The following RASA4B variants were observed in gnomAD, a reference collection of about 807,000 sequenced individuals.
RASA4B encodes ras GTPase-activating protein 4B.
RASA4B carries 2 observed loss-of-function variants against 24.2 expected under a neutral mutation model. The ratio of observed to expected loss-of-function variants is 0.08; its 90% CI spans 0.03 to 0.26. The LOEUF is 0.26. Ranked by LOEUF, RASA4B falls within the 10% of genes least tolerant of loss-of-function variation. The pLI is 1.00. For synonymous variants in RASA4B, 2 were observed against 125.6 expected, an observed-to-expected ratio of 0.02 and a Z score of 6.58; for missense variants, 8 against 277.2, an observed-to-expected ratio of 0.03 and a Z score of 6.90.
chr7:102,500,364 T>C (rs1271319625), intron 8 of RASA4B, among the ~76,000 whole-genome samples: 2 of 102,310 alleles, frequency 2.0e-5, no homozygotes, highest in African/African-American at 6.7e-5. Context: ...CCCAGCTACT[T>C]GGGAGGCTGA....
rs1798613144 is a variant in RASA4B at position 102,481,785 on chromosome 7, G to C, written c.*1807C>G. Among the ~76,000 whole-genome samples, 1 of 151,522 alleles carries C rather than the reference G, an allele frequency of 6.6e-6. No homozygotes were observed. Among genetic ancestry groups the C allele is most frequent in the Non-Finnish European group, 1.5e-5 (1 of 67,772 alleles). ...AGTTCAAAGCCCACTCCTCCCTTCT[G>C]GGGGTCCCAGTTTCGTGATCTCTTC... On this transcript the variant is annotated 3_prime_UTR_variant, in exon 21 of 21. Coordinates refer to ENST00000465829, the MANE Select transcript of RASA4B (RefSeq NM_001367767.2).
intron 17 of RASA4B, among the ~76,000 whole-genome samples, chr7:102,490,749 C>T (rs1294181567): frequency 6.6e-6 from 1 of 151,206 alleles, no homozygotes; most frequent in Non-Finnish European, 1.5e-5. Context: ...CCACAGAGCT[C>T]AGGCCACTCC....
In RASA4B at chr7:102,481,700, T is replaced by C. The variant is rs1798611798; in HGVS notation, c.*1892A>G. 7.9e-6 allele frequency among the ~76,000 whole-genome samples: 1 copy of C among 126,346 alleles called. No individual in the cohort carries two copies. Among genetic ancestry groups the C allele is most frequent in the Non-Finnish European group, 1.8e-5 (1 of 56,818 alleles). The allele number at this position is 126,346 out of a possible 152,430, so 82.9% of individuals were successfully genotyped here. ...AAAAAAAAAAATTATAAAGTTCCCC[T>C]TCATCTGAAAATTGAATGTGATTTT... On this transcript the variant is annotated 3_prime_UTR_variant, in exon 21 of 21. Coordinates refer to ENST00000465829, the MANE Select transcript of RASA4B (RefSeq NM_001367767.2).
intron 8 of RASA4B, among the ~76,000 whole-genome samples, chr7:102,500,087 C>T (rs1304467804): frequency 0.064 from 424 of 6,592 alleles, no homozygotes; most frequent in South Asian, 0.12. Flanking sequence ...AAGATTGTGC[C>T]GCTGCACTCC....
intron 6 of RASA4B, among the ~76,000 whole-genome samples, chr7:102,502,496 T>G (rs57456691): frequency 0.1 from 6,868 of 65,760 alleles, 181 homozygotes; most frequent in East Asian, 0.25. Flanking sequence ...TGGTGGCTCA[T>G]GCCTGTAATC....
intron 16 of RASA4B, among the ~76,000 whole-genome samples, chr7:102,492,412 G>GGGCT (rs1798979412): frequency 1.6e-5 from 1 of 62,988 alleles, no homozygotes; most frequent in South Asian, 9.5e-4. Flanking sequence ...GACTCAGAGA[G>GGGCT]GGCTGTACAA....
chr7:102,490,774 CATTCCCACAGCACCCAGGG>C, intron 17 of RASA4B, among the ~76,000 whole-genome samples, 193 bp downstream of exon 17: 1 of 16,398 alleles, frequency 6.1e-5, no homozygotes, highest in East Asian at 1.7e-3. Flanking sequence ...GCACCCAGGC[CATTCCCACAGCACCCAGGG>C]CATTCCCATA....
intron 8 of RASA4B, 81 bp downstream of exon 8, chr7:102,500,618 C>T (rs1454235446): frequency 1.5e-5 from 1 of 67,210 alleles, no homozygotes; most frequent in African/African-American, 4.8e-5. Flanking sequence ...AGCCCCCCTG[C>T]CCTGCCTGCC....
chr7:102,504,118 T>TTC (rs1799408840), intron 5 of RASA4B, among the ~76,000 whole-genome samples: 1 of 150,918 alleles, frequency 6.6e-6, no homozygotes, highest in Non-Finnish European at 1.5e-5. Context: ...TTCTTTTCTT[T>TTC]TTTTTTTTTA....
chr7:102,497,798 TAAATA>T, intron 8 of RASA4B, among the ~76,000 whole-genome samples: 1 of 132,410 alleles, frequency 7.6e-6, no homozygotes, highest in Non-Finnish European at 1.6e-5. Flanking sequence ...TCAAAAAAAA[TAAATA>T]AATAAAAAAT....
intron 2 of RASA4B, among the ~76,000 whole-genome samples, chr7:102,511,618 G>A (rs1203929115): frequency 2.4e-5 from 1 of 41,460 alleles, no homozygotes; most frequent in East Asian, 1.5e-3. Flanking sequence ...CTGGAAAAGG[G>A]CTGGCTCCAC....
Position 102,481,056 on chromosome 7 carries a change from TTC to T in RASA4B, c.*2534_*2535del, listed in dbSNP as rs1161948451. ...GTTTTGTTGCAATTGGTTAAATATC[TTC>T]TCTTTTTTATACTTTTTATTGTAGT... On this transcript the variant is annotated 3_prime_UTR_variant, in exon 21 of 21. Transcript: ENST00000465829. 1.1e-5 allele frequency among the ~76,000 whole-genome samples: 1 copy of T among 91,608 alleles called. No individual in the cohort carries two copies. Among genetic ancestry groups the T allele is most frequent in the Non-Finnish European group, 3.0e-5 (1 of 33,476 alleles). 60.1% of individuals were successfully genotyped at this position (91,608 alleles called of 152,430 possible).
rs1799528958 is a variant in RASA4B, at chr7:102,506,697, G to GGCCTCCAGCACAGAGCA, written c.409_425dup (p.Arg143AlafsTer36). On this transcript the variant is annotated frameshift_variant, in exon 5 of 21. Coordinates refer to ENST00000465829, the MANE Select transcript of RASA4B (RefSeq NM_001367767.2). LOFTEE classifies it high-confidence loss of function. Reference sequence around the variant, plus strand: ...GCCCCCAGGCCCCTGAGTCTCACCTGGCCTCCAGCACAGAGCAGCGTAGCC... The same window carrying GGCCTCCAGCACAGAGCA: ...GCCCCCAGGCCCCTGAGTCTCACCTGGCCTCCAGCACAGAGCAGCCTCCAGCACAGAGCAGCGTAGCC... 8.0e-7 allele frequency: 1 copy of GGCCTCCAGCACAGAGCA among 1,244,500 alleles called. No homozygotes were observed. The highest frequency in any genetic ancestry group is 2.5e-5 in the Admixed American group (1 of 40,160). The allele number at this position is 1,244,500 out of a possible 1,614,324, so 77.1% of individuals were successfully genotyped here.
rs1295072551 is a variant in RASA4B, at chr7:102,480,072, G to T, written c.*3520C>A. ...GGCCATACAGAGATAGGAGCTGAGG[G>T]GACAATGAGGAGTGACCAGAAGACA... On this transcript the variant is annotated 3_prime_UTR_variant, in exon 21 of 21. Transcript: ENST00000465829. Among the ~76,000 whole-genome samples the T allele has an allele frequency of 6.6e-6, 1 of 152,016 alleles. No individual in the cohort carries two copies. Among genetic ancestry groups the T allele is most frequent in the Non-Finnish European group, 1.5e-5 (1 of 68,010 alleles).
chr7:102,496,091 C>G (rs767496647), intron 11 of RASA4B, 49 bp downstream of exon 11: 18 of 1,611,960 alleles, frequency 1.1e-5, no homozygotes, highest in Non-Finnish European at 1.4e-5. Context: ...CTCTCTGAAG[C>G]TCAGTGTTGT....
chr7:102,509,114 T>TTTTTA (rs59233460), intron 4 of RASA4B, among the ~76,000 whole-genome samples: 2 of 88,384 alleles, frequency 2.3e-5, no homozygotes, highest in Non-Finnish European at 4.6e-5. Flanking sequence ...GCCTTTTTTT[T>TTTTTA]AAAAAAAAAC....
chr7:102,489,488 CTAAT>C (rs1276737321), intron 17 of RASA4B, among the ~76,000 whole-genome samples: 1 of 124,158 alleles, frequency 8.1e-6, no homozygotes, highest in East Asian at 3.6e-4. Flanking sequence ...AATTAATTTA[CTAAT>C]TAATTTATTT....
chr7:102,506,371 T>C, intron 5 of RASA4B, among the ~76,000 whole-genome samples: 1 of 151,962 alleles, frequency 6.6e-6, no homozygotes, highest in Admixed American at 6.6e-5. Context: ...CTCAGCCTCC[T>C]GAGTAGCTGA....
At chr7:102,507,608 G>A (rs1478260010) in intron 4 of RASA4B, among the ~76,000 whole-genome samples, 3 of 152,236 alleles carry the variant, frequency 2.0e-5, no homozygotes, top group Non-Finnish European at 2.9e-5. Flanking sequence ...CTCCTAAGGT[G>A]CTGCGATTAT....
Sources: gnomAD v4.1 joint callset for allele counts (sites outside exome capture counted in the v4.1 genomes callset) on GRCh38, gnomAD v4.1.1 for gene constraint, MANE v1.5 for transcripts, NCBI Gene and HGNC (gene_info 2026-07-23, HGNC 2026-07-21) for gene names.